PCDHA10: variants seen among roughly 807,000 people sequenced by gnomAD.
The protein encoded by PCDHA10 is protocadherin alpha 10.
PCDHA10 carries 45 observed loss-of-function variants against 61.2 expected under a neutral mutation model. The ratio of observed to expected loss-of-function variants is 0.74; its 90% CI spans 0.58 to 0.94. The LOEUF is 0.94. Among genes scored for constraint, PCDHA10 ranks in the 40% least tolerant of loss-of-function variants. The probability of loss-of-function intolerance (pLI) is 0.00; values close to 1 mark genes in which losing one functional copy is unlikely to be tolerated. For synonymous variants in PCDHA10, 602 were observed against 548.8 expected, an observed-to-expected ratio of 1.10 and a Z score of -1.35; for missense variants, 1,278 against 1,236.2, an observed-to-expected ratio of 1.03 and a Z score of -0.51.
intron 1 of PCDHA10, 139 bp from the exon 2 acceptor site, chr5:140,978,808 TAG>T: frequency 6.7e-7 from 1 of 1,496,146 alleles, no homozygotes; most frequent in Non-Finnish European, 8.9e-7. Flanking sequence ...GATATCATCA[TAG>T]AGTTACACAT....
At chr5:140,933,527 A>G (rs1324786303) in intron 1 of PCDHA10, among the ~76,000 whole-genome samples, 1 of 152,060 alleles carries the variant, frequency 6.6e-6, no homozygotes, top group African/African-American at 2.4e-5. Flanking sequence ...TTTTGTTTAA[A>G]CTCAAAATAA....
intron 1 of PCDHA10, among the ~76,000 whole-genome samples, chr5:140,912,180 T>C (rs2075805933): frequency 6.6e-6 from 1 of 152,168 alleles, no homozygotes; most frequent in South Asian, 2.1e-4. Flanking sequence ...TGGCAGCTGA[T>C]TAGATTGTGC....
chr5:140,988,411 A>G (rs2097296392), intron 3 of PCDHA10, among the ~76,000 whole-genome samples: 1 of 152,144 alleles, frequency 6.6e-6, no homozygotes, highest in South Asian at 2.1e-4. Context: ...TTCGCAGCTT[A>G]TGTAAAGAAT....
At chr5:140,946,044 A>G (rs1435633416) in intron 1 of PCDHA10, among the ~76,000 whole-genome samples, 1 of 152,160 alleles carries the variant, frequency 6.6e-6, no homozygotes, top group East Asian at 1.9e-4. Flanking sequence ...TGAAGGGACA[A>G]TCCACAGAAT....
Position 140,932,015 on chromosome 5 carries a change from C to T in PCDHA10, c.2389-46934C>T, listed in dbSNP as rs150185692. Reference sequence around the variant, plus strand: ...TTCTAAGTTCTTTCATTTTAGTTTACGGTAAGTTTACAGTATATATTAACA... The same window carrying T: ...TTCTAAGTTCTTTCATTTTAGTTTATGGTAAGTTTACAGTATATATTAACA... On this transcript the variant is annotated intron_variant, in intron 1 of 3. Coordinates refer to ENST00000307360, the MANE Select transcript of PCDHA10 (RefSeq NM_018901.4). Among the ~76,000 whole-genome samples, 8 of 151,784 alleles carry T rather than the reference C, an allele frequency of 5.3e-5. No homozygotes were observed. The East Asian group carries it at 5.8e-4, about 11-fold the overall frequency.
Position 141,011,514 on chromosome 5 carries a change from GT to G in PCDHA10, c.*1584del, listed in dbSNP as rs35545269. 2 of 153,738 alleles carry G rather than the reference GT, an allele frequency of 1.3e-5. No homozygotes were observed. The highest frequency in any genetic ancestry group is 1.9e-4 in the East Asian group (1 of 5,186). The allele number at this position is 153,738 out of a possible 1,614,324, so 9.5% of individuals were successfully genotyped here. ...TACACCTGTGAAAAAGTGGAGTAGTGTTTTTTTAACCATTGTTAATCAGCTT... is the reference window on the plus strand; with the variant it reads ...TACACCTGTGAAAAAGTGGAGTAGTGTTTTTTAACCATTGTTAATCAGCTT... On this transcript the variant is annotated 3_prime_UTR_variant, in exon 4 of 4. Coordinates refer to ENST00000307360, the MANE Select transcript of PCDHA10 (RefSeq NM_018901.4).
chr5:140,891,040 C>A (rs2062916193), intron 1 of PCDHA10, among the ~76,000 whole-genome samples: 1 of 145,080 alleles, frequency 6.9e-6, no homozygotes, highest in Admixed American at 6.6e-5. Context: ...TTAGGTGTGA[C>A]CCCCACAGCA....
intron 1 of PCDHA10, among the ~76,000 whole-genome samples, chr5:140,901,408 T>A (rs2068650771): frequency 6.6e-6 from 1 of 152,190 alleles, no homozygotes; most frequent in African/African-American, 2.4e-5. Flanking sequence ...GAGATAGGGG[T>A]CTAGTTTCAT....
intron 1 of PCDHA10, chr5:140,927,108 C>A (rs782811125): frequency 6.2e-7 from 1 of 1,613,646 alleles, no homozygotes; most frequent in Non-Finnish European, 8.5e-7. Context: ...ATCTACCCAG[C>A]GGCAATTTGG....
At chr5:140,978,485 A>G (rs992352505) in intron 1 of PCDHA10, among the ~76,000 whole-genome samples, 2 of 152,264 alleles carry the variant, frequency 1.3e-5, no homozygotes, top group Admixed American at 1.3e-4. Flanking sequence ...CAGTCTGCAA[A>G]GCCAGCAGCA....
chr5:140,953,913 G>A (rs2094950683), intron 1 of PCDHA10, among the ~76,000 whole-genome samples: 1 of 152,104 alleles, frequency 6.6e-6, no homozygotes, highest in African/African-American at 2.4e-5. Flanking sequence ...CATCCATTAG[G>A]TATTCTTCCT....
At chr5:140,859,113 T>C (rs1042936960) in intron 1 of PCDHA10, 1 of 150,138 alleles carries the variant, frequency 6.7e-6, no homozygotes, top group Non-Finnish European at 1.5e-5. Context: ...CAGAAGAAAA[T>C]GTATGTTTCT....
intron 1 of PCDHA10, among the ~76,000 whole-genome samples, chr5:140,936,673 A>G (rs77819967): frequency 0.018 from 2,748 of 152,254 alleles, 64 homozygotes; most frequent in South Asian, 0.1. Context: ...TGGACTGTCT[A>G]TTCTGTTTCA....
At chr5:140,884,003 G>T (rs781845787) in intron 1 of PCDHA10, 2 of 1,612,968 alleles carry the variant, frequency 1.2e-6, no homozygotes, top group Non-Finnish European at 8.5e-7. Flanking sequence ...CACAGTGAGC[G>T]AGCTGATGCC....
At chr5:140,877,987 CT>C (rs2057428803) in intron 1 of PCDHA10, 14 of 1,151,184 alleles carry the variant, frequency 1.2e-5, no homozygotes, top group Non-Finnish European at 1.6e-5. Context: ...TCATTTTGAA[CT>C]TTTATGTATT....
chr5:140,946,162 A>C (rs2093896348), intron 1 of PCDHA10, among the ~76,000 whole-genome samples: 1 of 152,080 alleles, frequency 6.6e-6, no homozygotes, highest in Non-Finnish European at 1.5e-5. Context: ...GATTTAAAAG[A>C]TGGGTAAAGG....
At chr5:140,942,851 G>T (rs1211748532) in intron 1 of PCDHA10, among the ~76,000 whole-genome samples, 2 of 151,980 alleles carry the variant, frequency 1.3e-5, no homozygotes, top group Non-Finnish European at 2.9e-5. Flanking sequence ...CCAGTAAGAT[G>T]ATTATTTTGC....
At chr5:140,907,938 T>C (rs2073706734) in intron 1 of PCDHA10, among the ~76,000 whole-genome samples, 1 of 152,206 alleles carries the variant, frequency 6.6e-6, no homozygotes, top group African/African-American at 2.4e-5. Flanking sequence ...TCACATACCT[T>C]TTCCCCAAAT....
chr5:140,945,124 C>T (rs269553), intron 1 of PCDHA10, among the ~76,000 whole-genome samples: 48,193 of 151,846 alleles, frequency 0.32, 7,977 homozygotes, highest in East Asian at 0.53. Flanking sequence ...AAAAAATCAA[C>T]TTACAAAAAT....
Sources: gnomAD v4.1 joint callset for allele counts (sites outside exome capture counted in the v4.1 genomes callset) on GRCh38, gnomAD v4.1.1 for gene constraint, MANE v1.5 for transcripts, NCBI Gene and HGNC (gene_info 2026-07-23, HGNC 2026-07-21) for gene names.